SFXN5: variants seen among roughly 807,000 people sequenced by gnomAD.
SFXN5 encodes sideroflexin 5.
SFXN5 carries 43 observed loss-of-function variants against 50.2 expected under a neutral mutation model. The ratio of observed to expected loss-of-function variants is 0.86; its 90% CI spans 0.67 to 1.11. The LOEUF (loss-of-function observed/expected upper bound fraction) is 1.11, where lower values mean the gene tolerates loss of function less well. Among genes scored for constraint, SFXN5 ranks in the 50% least tolerant of loss-of-function variants. SFXN5 has a pLI of 0.00. For synonymous variants in SFXN5, 203 were observed against 185.8 expected (o/e 1.09, Z -0.75); for missense variants, 463 against 454.1 (o/e 1.02, Z -0.18).
At chr2:73,060,751 G>C (rs183993843) in intron 1 of SFXN5, among the ~76,000 whole-genome samples, 10 of 150,314 alleles carry the variant, frequency 6.7e-5, no homozygotes, top group African/African-American at 2.2e-4. Flanking sequence ...GCCCAGGCTG[G>C]AGTGCAGTGG....
At chr2:73,041,548 G>C (rs1679647007) in intron 2 of SFXN5, 3 of 329,982 alleles carry the variant, frequency 9.1e-6, no homozygotes, top group Non-Finnish European at 1.9e-5. Context: ...ACATTAGCTG[G>C]GCATGGTGGT....
intron 2 of SFXN5, chr2:73,049,409 A>T (rs905543667): frequency 6.6e-6 from 1 of 152,250 alleles, no homozygotes; most frequent in Non-Finnish European, 1.5e-5. Context: ...ATGCCACGAC[A>T]CCCAGCTAAT....
intron 1 of SFXN5, among the ~76,000 whole-genome samples, chr2:73,068,882 A>G (rs766229548): frequency 2.0e-5 from 3 of 151,890 alleles, no homozygotes; most frequent in Admixed American, 2.0e-4. Context: ...TGCTTCATGG[A>G]TACACCAGGG....
chr2:73,041,800 T>C (rs111373797), intron 2 of SFXN5: 30,221 of 194,260 alleles, frequency 0.16, 2,751 homozygotes, highest in East Asian at 0.36. Flanking sequence ...CATCCCAGGC[T>C]CAAGTGATCC....
intron 13 of SFXN5, among the ~76,000 whole-genome samples, chr2:72,956,499 C>G (rs548456515): frequency 6.6e-6 from 1 of 152,122 alleles, no homozygotes; most frequent in South Asian, 2.1e-4. Flanking sequence ...AGAAGTGGGC[C>G]TCCTCTTTCT....
At position 72,971,487 on chromosome 2, in the gene SFXN5, G is replaced by A. The variant is rs1675164271; in HGVS notation, c.741+83C>T. On this transcript the variant is annotated intron_variant, in intron 11 of 13. Transcript: ENST00000272433. ...CAAAATAAGGGTACCCTGGATAGAA[G>A]CCTGTGGAAGACACACGCTAAAGGA... The A allele has an allele frequency of 5.4e-6, 5 of 927,950 alleles. No homozygotes were observed. The South Asian group carries it at 7.4e-5, about 14-fold the overall frequency. The allele number at this position is 927,950 out of a possible 1,614,324, so 57.5% of individuals were successfully genotyped here.
At chr2:72,993,845 A>G (rs1672898545) in intron 9 of SFXN5, among the ~76,000 whole-genome samples, 1 of 152,190 alleles carries the variant, frequency 6.6e-6, no homozygotes, top group Non-Finnish European at 1.5e-5. Context: ...GCGGCAGGGC[A>G]TGCTCTGGGC....
intron 6 of SFXN5, among the ~76,000 whole-genome samples, chr2:73,012,448 T>C (rs1675626947): frequency 6.6e-6 from 1 of 151,916 alleles, no homozygotes; most frequent in Admixed American, 6.6e-5. Flanking sequence ...CTAGGAGATA[T>C]TTCTGAACTC....
chr2:73,025,026 C>A (rs577267713), intron 3 of SFXN5, among the ~76,000 whole-genome samples: 1 of 151,732 alleles, frequency 6.6e-6, no homozygotes, highest in African/African-American at 2.4e-5. Context: ...TAGAAGCAGT[C>A]GATGTTTAAA....
intron 6 of SFXN5, among the ~76,000 whole-genome samples, chr2:73,004,679 C>G (rs368772944): frequency 1.3e-5 from 2 of 151,868 alleles, no homozygotes; most frequent in Non-Finnish European, 1.5e-5. Context: ...ACAGGAACAC[C>G]GAGCTGCATC....
At chr2:72,975,644 A>T (rs1670542946) in intron 10 of SFXN5, among the ~76,000 whole-genome samples, 1 of 152,258 alleles carries the variant, frequency 6.6e-6, no homozygotes, top group Non-Finnish European at 1.5e-5. Context: ...TTGCCTGTAC[A>T]TGTGTGAATG....
At chr2:72,965,721 G>A (rs1034303671) in intron 12 of SFXN5, among the ~76,000 whole-genome samples, 1 of 152,148 alleles carries the variant, frequency 6.6e-6, no homozygotes, top group Non-Finnish European at 1.5e-5. Context: ...GTTTCACCAT[G>A]ACTCCCAAAG....
chr2:72,989,238 C>G (rs1672281624), intron 9 of SFXN5, among the ~76,000 whole-genome samples: 1 of 152,186 alleles, frequency 6.6e-6, no homozygotes, highest in African/African-American at 2.4e-5. Context: ...CAGTGCTGGT[C>G]CCTGTGCCTG....
In SFXN5 at chr2:72,960,403, C is replaced by G. The variant is rs1429898689; in HGVS notation, c.945+728G>C. Reference sequence around the variant, plus strand: ...TCATCGAATCCCGAAGAAGCCGCCTCCTGACTCCCTCTTTAGGGACCCACT... The same window carrying G: ...TCATCGAATCCCGAAGAAGCCGCCTGCTGACTCCCTCTTTAGGGACCCACT... On this transcript the variant is annotated intron_variant, in intron 13 of 13. Coordinates refer to ENST00000272433, the MANE Select transcript of SFXN5 (RefSeq NM_144579.3). This position sits in a 1 kb window ranked among gnomAD's most constrained non-coding sequence, Gnocchi z 6.1. Among the ~76,000 whole-genome samples the G allele has an allele frequency of 2.0e-5, 3 of 152,288 alleles. No homozygotes were observed. Among genetic ancestry groups the G allele is most frequent in the African/African-American group, 7.2e-5 (3 of 41,558 alleles).
At chr2:72,955,168 A>G (rs899942389) in intron 13 of SFXN5, among the ~76,000 whole-genome samples, 3 of 152,124 alleles carry the variant, frequency 2.0e-5, no homozygotes, top group South Asian at 2.1e-4. Context: ...ACACATTTCA[A>G]CCTCACCAAA....
intron 1 of SFXN5, among the ~76,000 whole-genome samples, chr2:73,060,981 G>A (rs530024566): frequency 9.3e-5 from 14 of 151,254 alleles, no homozygotes; most frequent in Admixed American, 5.9e-4. Flanking sequence ...GATTACAGGC[G>A]TGAGCCACCG....
intron 2 of SFXN5, 97 bp from the exon 3 acceptor site, chr2:73,041,028 G>T: frequency 2.2e-6 from 2 of 918,554 alleles, no homozygotes; most frequent in Non-Finnish European, 3.3e-6. Context: ...TACTGCCAGT[G>T]CAAGGCTTTG....
At chr2:73,008,048 G>A (rs79474580) in intron 6 of SFXN5, among the ~76,000 whole-genome samples, 1,762 of 152,316 alleles carry the variant, frequency 0.012, 14 homozygotes, top group Non-Finnish European at 0.02. Flanking sequence ...AAAAAGCAGA[G>A]GAGGGATGAG....
At position 73,029,169 on chromosome 2, in the gene SFXN5, C is replaced by G. The variant is rs533858188; in HGVS notation, c.250-5955G>C. Among the ~76,000 whole-genome samples the G allele has an allele frequency of 2.0e-5, 3 of 152,272 alleles. No homozygotes were observed. The East Asian group carries it at 5.8e-4, about 29-fold the overall frequency. On this transcript the variant is annotated intron_variant, in intron 3 of 13. Transcript: ENST00000272433. ...GAATCCAGTGGAGGATAGTGAGGCCCTAAAGACATGAGTGAAAGGAGGCAT... is the reference window on the plus strand; with the variant it reads ...GAATCCAGTGGAGGATAGTGAGGCCGTAAAGACATGAGTGAAAGGAGGCAT...
Sources: allele counts gnomAD v4.1 joint callset (sites outside exome capture counted in the v4.1 genomes callset), GRCh38; gene constraint gnomAD v4.1.1; non-coding constraint Gnocchi (gnomAD v3.1); transcripts MANE v1.5; gene names NCBI Gene and HGNC (gene_info 2026-07-23, HGNC 2026-07-21).